The following GAREM1 variants were observed in gnomAD, a reference collection of about 807,000 sequenced individuals.
GAREM1 encodes the protein GRB2-associated and regulator of MAPK protein 1.
In GAREM1, 26 loss-of-function variants were observed where a neutral mutation model predicts 71.3. The observed-to-expected ratio is 0.36, with a 90% CI of 0.27 to 0.51. The LOEUF (loss-of-function observed/expected upper bound fraction) is 0.51. Among genes scored for constraint, GAREM1 ranks in the 20% least tolerant of loss-of-function variants. GAREM1 has a pLI of 0.95. For synonymous variants in GAREM1, 440 were observed against 433.2 expected, an observed-to-expected ratio of 1.02 and a Z score of -0.20; for missense variants, 1,026 against 1,103.1, an observed-to-expected ratio of 0.93 and a Z score of 0.99.
At chr18:32,343,879 C>T (rs1019717257) in intron 2 of GAREM1, among the ~76,000 whole-genome samples, 1 of 152,098 alleles carries the variant, frequency 6.6e-6, no homozygotes, top group Non-Finnish European at 1.5e-5. Context: ...TATCCACAGG[C>T]ACCCCCCACT....
intron 1 of GAREM1, among the ~76,000 whole-genome samples, chr18:32,395,578 G>A (rs886131871): frequency 6.6e-6 from 1 of 152,114 alleles, no homozygotes; most frequent in Non-Finnish European, 1.5e-5. Flanking sequence ...TTATGCAAAA[G>A]GCAATGAGGG....
intron 1 of GAREM1, among the ~76,000 whole-genome samples, chr18:32,396,198 C>A (rs2048253820): frequency 6.6e-6 from 1 of 152,148 alleles, no homozygotes; most frequent in African/African-American, 2.4e-5. Flanking sequence ...GTAGATAAAA[C>A]CACAAAGATG....
chr18:32,302,062 A>T (rs2047206892), intron 3 of GAREM1, among the ~76,000 whole-genome samples: 1 of 152,212 alleles, frequency 6.6e-6, no homozygotes. Context: ...ATTAAACTAT[A>T]CAAGCTATTG....
intron 2 of GAREM1, among the ~76,000 whole-genome samples, chr18:32,354,365 T>C (rs1262714649): frequency 6.6e-6 from 1 of 152,062 alleles, no homozygotes; most frequent in Admixed American, 6.6e-5. Context: ...GTCTGGCACA[T>C]AGGTCAATAA....
chr18:32,295,234 G>A (rs2047129039), intron 3 of GAREM1, among the ~76,000 whole-genome samples: 1 of 151,618 alleles, frequency 6.6e-6, no homozygotes, highest in African/African-American at 2.4e-5. Flanking sequence ...TGGCCCATAT[G>A]TTCATTTTTC....
rs760200811 is a variant in GAREM1 at position 32,287,484 on chromosome 18, C to T, written c.1113G>A (p.Ser371=). 9.3e-6 allele frequency: 15 copies of T among 1,614,170 alleles called. No homozygotes were observed. The highest frequency in any genetic ancestry group is 6.6e-5 in the South Asian group (6 of 91,078). ...TGAGCTCATCGCGGGCGTAGCTGAGCGAATTGGGCACGTGGTTGTGGCCAG... is the reference window on the plus strand; with the variant it reads ...TGAGCTCATCGCGGGCGTAGCTGAGTGAATTGGGCACGTGGTTGTGGCCAG... ...RCSGHNHVPN[S]LSYARDELTQ... The change falls in exon 4 of 6, where the codon TCG becomes TCA. Residue 371 remains serine (S), a synonymous_variant. Coordinates refer to ENST00000269209, the MANE Select transcript of GAREM1 (RefSeq NM_001242409.2). The surrounding 1 kb of genome is among the most constrained non-coding windows in gnomAD (Gnocchi z 5.9).
rs1446452356 is a variant in GAREM1, at chr18:32,267,711, C to A, written c.*160G>T. ...CATTTTTATTGATGTACAAAATAGC[C>A]TGTTCACCATTCAAAAACGTAATCT... is the stretch of plus-strand genomic sequence containing the variant. On this transcript the variant is annotated 3_prime_UTR_variant, in exon 6 of 6. Coordinates refer to ENST00000269209, the MANE Select transcript of GAREM1 (RefSeq NM_001242409.2). 7 of 605,678 alleles carry A rather than the reference C, an allele frequency of 1.2e-5. No homozygotes were observed. Among genetic ancestry groups the A allele is most frequent in the Non-Finnish European group, 2.0e-5 (7 of 346,224 alleles). 37.5% of individuals were successfully genotyped at this position (605,678 alleles called of 1,614,324 possible).
chr18:32,393,540 T>G (rs1019060394), intron 1 of GAREM1, among the ~76,000 whole-genome samples: 7 of 152,206 alleles, frequency 4.6e-5, no homozygotes, highest in African/African-American at 1.7e-4. Context: ...GATTGAAAGC[T>G]TATGATTTAA....
At chr18:32,309,999 A>T (rs532825753) in intron 3 of GAREM1, among the ~76,000 whole-genome samples, 194 bp downstream of exon 3, 45 of 152,332 alleles carry the variant, frequency 3.0e-4, no homozygotes, top group South Asian at 2.7e-3. Flanking sequence ...CTAACAAAAG[A>T]TAATGCTAAT....
chr18:32,305,422 T>C (rs1294792876), intron 3 of GAREM1, among the ~76,000 whole-genome samples: 2 of 152,178 alleles, frequency 1.3e-5, no homozygotes, highest in Non-Finnish European at 2.9e-5. Context: ...CACCTCCTAT[T>C]TTGCATCTCA....
chr18:32,391,929 T>TATTC (rs1366778029), intron 2 of GAREM1, among the ~76,000 whole-genome samples: 1 of 150,120 alleles, frequency 6.7e-6, no homozygotes, highest in African/African-American at 2.5e-5. Flanking sequence ...GGTACCAAAC[T>TATTC]ATTCATTCAT....
chr18:32,392,897 G>C lies in GAREM1; in HGVS notation c.260C>G (p.Ala87Gly). ...CTTGGCCCTTGGAGGAGTCTTACCT[G>C]CATAATGTACCGGAATCTCTATCTT... ...GPKIEIPVHY[A>G]GQFKLLEQDR... Residue 87 changes from alanine (A) to glycine (G), a missense_variant and splice_region_variant, in exon 2 of 6, where the codon GCA becomes GGA. Around this residue, in one of 3 missense-constraint regions of GAREM1, gnomAD observed 172 missense variants for 175.2 expected, o/e 0.98. Coordinates refer to ENST00000269209, the MANE Select transcript of GAREM1 (RefSeq NM_001242409.2). The C allele has an allele frequency of 6.2e-7, 1 of 1,613,542 alleles. No homozygotes were observed. The highest frequency in any genetic ancestry group is 1.1e-5 in the South Asian group (1 of 91,030).
chr18:32,330,424 AG>A (rs1178748936), intron 2 of GAREM1, among the ~76,000 whole-genome samples: 1 of 152,206 alleles, frequency 6.6e-6, no homozygotes, highest in Non-Finnish European at 1.5e-5. Context: ...CATGGGTGAC[AG>A]GATCATTTGT....
intron 2 of GAREM1, among the ~76,000 whole-genome samples, chr18:32,363,995 C>CACATATATATATATATATAT (rs1555638702): frequency 1.4e-4 from 3 of 21,330 alleles, no homozygotes; most frequent in Non-Finnish European, 1.7e-4. Context: ...TACATATATA[C>CACATATATATATATATATAT]ATATATATAT....
In GAREM1 at chr18:32,378,065, G is replaced by GT. The variant is rs1567986715; in HGVS notation, c.262+14829_262+14830insA. On this transcript the variant is annotated intron_variant, in intron 2 of 5. Transcript: ENST00000269209. ...GTGTGTGTGTGTGTGTGTGCGCGCG[G>GT]GCGCTTTGGAGGAGGGCAGGGTTGA... is the stretch of plus-strand genomic sequence containing the variant. Among the ~76,000 whole-genome samples, 732 of 128,764 alleles carry GT rather than the reference G, an allele frequency of 5.7e-3. 5 individuals carry two copies. The highest frequency in any genetic ancestry group is 0.018 in the African/African-American group (602 of 33,986). 84.5% of individuals were successfully genotyped at this position (128,764 alleles called of 152,430 possible). A position where few individuals can be genotyped will look rare whatever the true frequency, so the allele number is the denominator to read the frequency against.
At chr18:32,396,721 G>A (rs11661284) in intron 1 of GAREM1, among the ~76,000 whole-genome samples, 5,106 of 152,278 alleles carry the variant, frequency 0.034, 134 homozygotes, top group East Asian at 0.11. Flanking sequence ...AACCAAGGTG[G>A]AAAACACTGT....
At chr18:32,301,548 T>G (rs1407393728) in intron 3 of GAREM1, among the ~76,000 whole-genome samples, 1 of 152,172 alleles carries the variant, frequency 6.6e-6, no homozygotes, top group African/African-American at 2.4e-5. Context: ...CATTCAACTT[T>G]TGGACTTTCA....
At chr18:32,452,311 A>G (rs1265466443) in intron 1 of GAREM1, among the ~76,000 whole-genome samples, 1 of 152,148 alleles carries the variant, frequency 6.6e-6, no homozygotes, top group Non-Finnish European at 1.5e-5. Flanking sequence ...AAGGGAAGGG[A>G]TGTTAAGAGC....
intron 5 of GAREM1, 54 bp downstream of exon 5, chr18:32,270,163 T>C (rs2041436336): frequency 2.5e-6 from 4 of 1,578,466 alleles, no homozygotes; most frequent in Middle Eastern, 1.7e-4. Context: ...CAAGAACCCA[T>C]GAACTGGTGG....
Sources: gnomAD v4.1 joint callset for allele counts (sites outside exome capture counted in the v4.1 genomes callset) on GRCh38, gnomAD v4.1.1 for gene constraint, gnomAD v4.1.1 regional missense constraint, Gnocchi (gnomAD v3.1) non-coding constraint, MANE v1.5 for transcripts, NCBI Gene and HGNC (gene_info 2026-07-23, HGNC 2026-07-21) for gene names.